C8orf34: variants seen among roughly 807,000 people sequenced by gnomAD.
C8orf34 encodes the protein uncharacterized protein C8orf34.
A neutral mutation model predicts 68.3 loss-of-function variants in C8orf34; 65 were observed. The ratio of observed to expected loss-of-function variants is 0.95; its 90% CI spans 0.78 to 1.17. C8orf34 has a LOEUF of 1.17. Among genes scored for constraint, C8orf34 ranks in the 50% most tolerant of loss-of-function variants. C8orf34 has a pLI of 0.00. For missense variants in C8orf34, 664 were observed against 655.4 expected (o/e 1.01, Z -0.14); for synonymous variants, 244 against 241.2 (o/e 1.01, Z -0.11).
At chr8:68,809,738 A>G (rs370523641) in intron 12 of C8orf34, among the ~76,000 whole-genome samples, 2 of 152,206 alleles carry the variant, frequency 1.3e-5, no homozygotes, top group East Asian at 3.9e-4. Flanking sequence ...AAGAAAACCA[A>G]TGAATAAACT....
At position 68,769,885 on chromosome 8, in the gene C8orf34, G is replaced by A. The variant is rs543439195; in HGVS notation, c.1405-6514G>A. 9.8e-5 allele frequency among the ~76,000 whole-genome samples: 15 copies of A among 152,292 alleles called. No individual in the cohort carries two copies. The South Asian group carries it at 2.3e-3, about 23-fold the overall frequency. On this transcript the variant is annotated intron_variant, in intron 10 of 13. Transcript: ENST00000518698. ...GATGTAGAAAGTAACCAGTGAGCGC[G>A]ATACGTGCTTTGGTAAGGATAGGCG...
intron 3 of C8orf34, among the ~76,000 whole-genome samples, chr8:68,453,922 G>A (rs1811443278): frequency 1.3e-5 from 2 of 151,972 alleles, no homozygotes; most frequent in South Asian, 4.1e-4. Context: ...TTTCCAAAAT[G>A]CCTTTTATCA....
chr8:68,634,983 G>C (rs577097143), intron 7 of C8orf34, among the ~76,000 whole-genome samples: 2 of 152,188 alleles, frequency 1.3e-5, no homozygotes, highest in South Asian at 4.2e-4. Context: ...GAAGGCTTCT[G>C]ACTCTAGGGT....
At chr8:68,772,725 TTTTC>T (rs1396001822) in intron 10 of C8orf34, among the ~76,000 whole-genome samples, 22 of 147,046 alleles carry the variant, frequency 1.5e-4, no homozygotes, top group Non-Finnish European at 2.7e-4. Flanking sequence ...CTTTCTTTCT[TTTTC>T]TTTCTTTCTT....
At chr8:68,672,757 G>A in intron 8 of C8orf34, among the ~76,000 whole-genome samples, 1 of 152,162 alleles carries the variant, frequency 6.6e-6, no homozygotes, top group East Asian at 1.9e-4. Flanking sequence ...GTGGACTTGG[G>A]GGGCATGCAA....
At chr8:68,450,865 T>C (rs1811312356) in intron 3 of C8orf34, among the ~76,000 whole-genome samples, 1 of 152,120 alleles carries the variant, frequency 6.6e-6, no homozygotes, top group Non-Finnish European at 1.5e-5. Context: ...CCAGCTGCAT[T>C]AGCCCCTGAT....
chr8:68,354,095 G>A (rs1457959458), intron 1 of C8orf34, among the ~76,000 whole-genome samples: 1 of 152,034 alleles, frequency 6.6e-6, no homozygotes, highest in East Asian at 1.9e-4. Context: ...GGAGAGAGAG[G>A]AGTAGTCAGA....
At chr8:68,563,775 A>G (rs2130192783) in intron 7 of C8orf34, among the ~76,000 whole-genome samples, 1 of 152,324 alleles carries the variant, frequency 6.6e-6, no homozygotes, top group East Asian at 1.9e-4. Flanking sequence ...TTCATAGATT[A>G]GTGAGGAAAG....
chr8:68,533,567 G>GA lies in C8orf34; in HGVS notation c.1105+423dup, dbSNP rs910499605. 1.1e-4 allele frequency: 112 copies of GA among 986,014 alleles called. 1 individual carries two copies. The Middle Eastern group carries it at 3.7e-3, about 32-fold the overall frequency. 61.1% of individuals were successfully genotyped at this position (986,014 alleles called of 1,614,324 possible). On this transcript the variant is annotated intron_variant, in intron 7 of 13. Coordinates refer to ENST00000518698, the MANE Select transcript of C8orf34 (RefSeq NM_052958.4). ...TACCTTTTATTTTGAGGATGCTTTA[G>GA]AAAAATAGAATAAAGTTGAAAGGGG...
At chr8:68,627,287 C>T (rs1818564713) in intron 7 of C8orf34, among the ~76,000 whole-genome samples, 1 of 152,086 alleles carries the variant, frequency 6.6e-6, no homozygotes, top group South Asian at 2.1e-4. Context: ...TTTCCATGGC[C>T]TTCTCCTACT....
chr8:68,346,218 A>C (rs895861292), intron 1 of C8orf34, among the ~76,000 whole-genome samples: 4 of 151,940 alleles, frequency 2.6e-5, no homozygotes, highest in Non-Finnish European at 5.9e-5. Context: ...ACTTTCTGAG[A>C]ATCCCAAATC....
chr8:68,615,071 C>T (rs1586454473), intron 7 of C8orf34, among the ~76,000 whole-genome samples: 3 of 148,034 alleles, frequency 2.0e-5, no homozygotes, highest in African/African-American at 7.6e-5. Context: ...GGAGTTCACT[C>T]ATGATTTGGC....
At chr8:68,594,322 A>G (rs1817480346) in intron 7 of C8orf34, among the ~76,000 whole-genome samples, 1 of 152,104 alleles carries the variant, frequency 6.6e-6, no homozygotes, top group South Asian at 2.1e-4. Flanking sequence ...GGTTAGATCC[A>G]TATATGGGAA....
chr8:68,645,429 C>G (rs1423352221), intron 8 of C8orf34, among the ~76,000 whole-genome samples: 1 of 152,078 alleles, frequency 6.6e-6, no homozygotes, highest in African/African-American at 2.4e-5. Context: ...GAAAAAAGAG[C>G]CTCATTTTCC....
intron 11 of C8orf34, among the ~76,000 whole-genome samples, chr8:68,777,334 C>A (rs1266754421): frequency 6.6e-6 from 1 of 152,208 alleles, no homozygotes; most frequent in Non-Finnish European, 1.5e-5. Flanking sequence ...AAGACATGGG[C>A]TGCCTGCTGA....
At chr8:68,451,913 T>C (rs1173127981) in intron 3 of C8orf34, among the ~76,000 whole-genome samples, 1 of 152,050 alleles carries the variant, frequency 6.6e-6, no homozygotes, top group Non-Finnish European at 1.5e-5. Flanking sequence ...CAAAGCATTA[T>C]AAAGTGAAAT....
chr8:68,355,670 GA>G (rs1806715139), intron 1 of C8orf34, among the ~76,000 whole-genome samples: 1 of 152,116 alleles, frequency 6.6e-6, no homozygotes, highest in African/African-American at 2.4e-5. Flanking sequence ...GGTATCTATA[GA>G]AAAGATCTTG....
intron 8 of C8orf34, among the ~76,000 whole-genome samples, chr8:68,682,158 A>C (rs1820388851): frequency 6.6e-6 from 1 of 152,130 alleles, no homozygotes; most frequent in Admixed American, 6.6e-5. Flanking sequence ...ACTGCTGTAG[A>C]CTGTAGTACA....
intron 6 of C8orf34, among the ~76,000 whole-genome samples, chr8:68,524,645 T>C (rs1336998889): frequency 2.0e-5 from 3 of 152,178 alleles, no homozygotes; most frequent in East Asian, 1.9e-4. Context: ...ATCCTACCAA[T>C]TGGTATCAAT....
Sources: gnomAD v4.1 joint callset for allele counts (sites outside exome capture counted in the v4.1 genomes callset) on GRCh38, gnomAD v4.1.1 for gene constraint, MANE v1.5 for transcripts, NCBI Gene and HGNC (gene_info 2026-07-23, HGNC 2026-07-21) for gene names.